The following LMNTD2 variants were observed in gnomAD, a reference collection of about 807,000 sequenced individuals.
The protein encoded by LMNTD2 is lamin tail domain containing 2.
Under a neutral mutation model 70.1 loss-of-function variants are expected in LMNTD2, and 83 were observed. That is an observed-to-expected ratio of 1.18 (90% CI 0.99 to 1.42). The LOEUF is 1.42. Among genes scored for constraint, LMNTD2 ranks in the 40% most tolerant of loss-of-function variants. The pLI is 0.00. For synonymous variants in LMNTD2, 534 were observed against 406.1 expected (o/e 1.31, Z -3.79); for missense variants, 1,153 against 905.9 (o/e 1.27, Z -3.50).
At chr11:557,672 G>C in intron 5 of LMNTD2, 32 bp from the exon 6 acceptor site, 1 of 1,612,930 alleles carries the variant, frequency 6.2e-7, no homozygotes, top group Non-Finnish European at 8.5e-7. Context: ...CAGTGGGCAG[G>C]GGCTGGGTGC....
intron 1 of LMNTD2, chr11:559,500 T>G: frequency 7.8e-7 from 1 of 1,282,394 alleles, no homozygotes; most frequent in Non-Finnish European, 1.0e-6. Flanking sequence ...CAGCCCAGCC[T>G]GGAGGAGGTG....
At position 557,421 on chromosome 11, in the gene LMNTD2, T is replaced by C. The variant is rs1481303119; in HGVS notation, c.691A>G (p.Met231Val). 12 of 1,608,080 alleles carry C rather than the reference T, an allele frequency of 7.5e-6. No homozygotes were observed. Among genetic ancestry groups the C allele is most frequent in the Middle Eastern group, 3.3e-4 (2 of 6,082 alleles). Residue 231 changes from methionine to valine, a missense_variant, in exon 7 of 14, where the codon ATG (methionine) becomes GTG (valine). By Grantham distance (21) the Met-to-Val change is conservative. Coordinates refer to ENST00000329451, the MANE Select transcript of LMNTD2 (RefSeq NM_173573.3). Reference sequence around the variant, plus strand: ...TACTTTTGCTTTGAGCTGGGCTCCATGTTGGTGAAGAGGTTGGGATACCGG... The same window carrying C: ...TACTTTTGCTTTGAGCTGGGCTCCACGTTGGTGAAGAGGTTGGGATACCGG... ...ARRYPNLFTN[M>V]EPSSKQKQPR... is the part of the protein sequence containing the mutation.
rs200254653 is a variant in LMNTD2, at chr11:555,075, C to G, written c.1810G>C (p.Val604Leu). The change falls in exon 14 of 14, where the codon GTG (valine) becomes CTG (leucine). Residue 604 changes from valine to leucine, a missense_variant. Physicochemically the swap from Val to Leu is conservative, Grantham distance 32. Coordinates refer to ENST00000329451, the MANE Select transcript of LMNTD2 (RefSeq NM_173573.3). ...GCCGTGTTCTGCACCGACAGGGCCACCAGGGGGCAGCTACGGTCCACGCTC... is the reference window on the plus strand; with the variant it reads ...GCCGTGTTCTGCACCGACAGGGCCAGCAGGGGGCAGCTACGGTCCACGCTC... Reference protein sequence around the residue: ...RKSVDRSCPLVALSVQNTAES... With the variant: ...RKSVDRSCPLLALSVQNTAES... The G allele has an allele frequency of 9.4e-5, 148 of 1,577,494 alleles. No individual in the cohort carries two copies. Among genetic ancestry groups the G allele is most frequent in the Non-Finnish European group, 2.1e-5 (25 of 1,166,054 alleles).
In LMNTD2 at chr11:555,432, T is replaced by G. The variant is rs1852784991; in HGVS notation, c.1646A>C (p.Glu549Ala). The stretch of plus-strand genomic sequence containing the variant: ...CTGCGGCGCGGGGATCTCGGGGTTC[T>G]CGGGCCGCGCAGGCCCCTCCCGCGC... ...FHAREGPARPENPEIPAPQHL... is the reference protein window; with the variant it reads ...FHAREGPARPANPEIPAPQHL... Residue 549 changes from glutamate to alanine, a missense_variant, in exon 13 of 14, where the codon GAG (glutamate) becomes GCG (alanine). Transcript: ENST00000329451. The G allele has an allele frequency of 1.4e-6, 2 of 1,391,448 alleles. No individual in the cohort carries two copies. The highest frequency in any genetic ancestry group is 1.5e-5 in the African/African-American group (1 of 65,904). The allele number at this position is 1,391,448 out of a possible 1,614,324, so 86.2% of individuals were successfully genotyped here.
rs1313591429 is a variant in LMNTD2, at chr11:555,251, G to A, written c.1773+54C>T. 23 of 1,256,180 alleles carry A rather than the reference G, an allele frequency of 1.8e-5. 1 individual carries two copies. The highest frequency in any genetic ancestry group is 2.3e-5 in the Non-Finnish European group (23 of 985,474). The allele number at this position is 1,256,180 out of a possible 1,614,324, so 77.8% of individuals were successfully genotyped here. A position where few individuals can be genotyped will look rare whatever the true frequency, so the allele number is the denominator to read the frequency against. ...GAGGGGAGGGAGGGGCGGGAGAGGA[G>A]AGGAGGAGAACGAGGAGGGAGAGGA... On this transcript the variant is annotated intron_variant, in intron 13 of 13. Transcript: ENST00000329451.
intron 1 of LMNTD2, chr11:560,053 G>C (rs1391948122): frequency 1.2e-5 from 2 of 162,000 alleles, no homozygotes; most frequent in African/African-American, 2.4e-5. Context: ...TATTCCCTCT[G>C]CTCCAGGAGA....
intron 8 of LMNTD2, 85 bp from the exon 9 acceptor site, chr11:556,673 ACGCCTGGCGGGGCAGGGAG>A: frequency 7.1e-7 from 1 of 1,407,690 alleles, no homozygotes; most frequent in Non-Finnish European, 9.4e-7. Context: ...CAGGCCTGCA[ACGCCTGGCGGGGCAGGGAG>A]CAGGGCCAGG....
chr11:559,292 G>A (rs1296473504), intron 1 of LMNTD2: 4 of 1,454,148 alleles, frequency 2.8e-6, no homozygotes, highest in Admixed American at 2.1e-5. Flanking sequence ...GTGATGTGGT[G>A]TCCCTCTTTC....
chr11:554,882 G>A lies in LMNTD2; in HGVS notation c.*98C>T, dbSNP rs550930997. 49 of 838,522 alleles carry A rather than the reference G, an allele frequency of 5.8e-5. No homozygotes were observed. The highest frequency in any genetic ancestry group is 8.3e-5 in the Non-Finnish European group (48 of 576,642). The allele number at this position is 838,522 out of a possible 1,614,324, so 51.9% of individuals were successfully genotyped here. A position where few individuals can be genotyped will look rare whatever the true frequency, so the allele number is the denominator to read the frequency against. On this transcript the variant is annotated 3_prime_UTR_variant, in exon 14 of 14. Transcript: ENST00000329451. ...TACAGAAATGCGGTTTACTTTGTAGGCCACGTTGGTTCAATAAATGATGCA... is the reference window on the plus strand; with the variant it reads ...TACAGAAATGCGGTTTACTTTGTAGACCACGTTGGTTCAATAAATGATGCA...
intron 1 of LMNTD2, 187 bp downstream of exon 1, chr11:560,496 C>A: frequency 7.9e-7 from 1 of 1,261,266 alleles, no homozygotes. Flanking sequence ...CCCTGCGCGT[C>A]CAGACTACTG....
At position 554,977 on chromosome 11, in the gene LMNTD2, C is replaced by G. The variant is rs774259156; in HGVS notation, c.*3G>C. 2.1e-5 allele frequency: 33 copies of G among 1,570,526 alleles called. No individual in the cohort carries two copies. Among genetic ancestry groups the G allele is most frequent in the Non-Finnish European group, 2.8e-5 (32 of 1,162,182 alleles). On this transcript the variant is annotated 3_prime_UTR_variant, in exon 14 of 14. Transcript: ENST00000329451. ...TCGCGGTCCCGGCCCCACTCCTCCG[C>G]CCCTAGGCGCCGCGGCAGGTGTCCG...
intron 5 of LMNTD2, 74 bp from the exon 6 acceptor site, chr11:557,714 C>A (rs1170696774): frequency 1.2e-6 from 2 of 1,607,490 alleles, no homozygotes; most frequent in East Asian, 4.5e-5. Context: ...TTTGACCTCA[C>A]CTGTGCTTTG....
Position 554,969 on chromosome 11 carries a change from C to G in LMNTD2, c.*11G>C. Reference sequence around the variant, plus strand: ...GCCCTCCCTCGCGGTCCCGGCCCCACTCCTCCGCCCCTAGGCGCCGCGGCA... The same window carrying G: ...GCCCTCCCTCGCGGTCCCGGCCCCAGTCCTCCGCCCCTAGGCGCCGCGGCA... On this transcript the variant is annotated 3_prime_UTR_variant, in exon 14 of 14. Coordinates refer to ENST00000329451, the MANE Select transcript of LMNTD2 (RefSeq NM_173573.3). 6.4e-7 allele frequency: 1 copy of G among 1,555,174 alleles called. No homozygotes were observed. Among genetic ancestry groups the G allele is most frequent in the Non-Finnish European group, 8.7e-7 (1 of 1,154,656 alleles).
chr11:557,847 G>T, intron 5 of LMNTD2, 37 bp downstream of exon 5: 2 of 1,527,646 alleles, frequency 1.3e-6, no homozygotes, highest in Non-Finnish European at 1.8e-6. Flanking sequence ...GCTGGGGAGG[G>T]CAGCCTGGGG....
chr11:560,272 A>C, intron 1 of LMNTD2: 1 of 1,012,912 alleles, frequency 9.9e-7, no homozygotes, highest in Non-Finnish European at 1.2e-6. Flanking sequence ...TGGGCGGGAC[A>C]GTAGGGTAGG....
chr11:555,912 T>G lies in LMNTD2; in HGVS notation c.1396A>C (p.Ile466Leu), dbSNP rs1483717083. The change falls in exon 12 of 14, where the codon ATC (isoleucine) becomes CTC (leucine). Residue 466 changes from isoleucine (I) to leucine (L), a missense_variant. Ile to Leu is a conservative substitution (Grantham distance 5, BLOSUM62 2). Coordinates refer to ENST00000329451, the MANE Select transcript of LMNTD2 (RefSeq NM_173573.3). ...GGGGCCGGAGTCTCGCGGCGTGGGA[T>G]CCGGTGCTCACTGAGGACCTGCGGG... ...PKGEVLSEHR[I>L]PRRETPAPRV... 1 of 1,564,524 alleles carries G rather than the reference T, an allele frequency of 6.4e-7. No individual in the cohort carries two copies. Among genetic ancestry groups the G allele is most frequent in the Non-Finnish European group, 8.6e-7 (1 of 1,161,182 alleles).
chr11:557,665 T>G, intron 5 of LMNTD2, 25 bp from the exon 6 acceptor site: 9 of 1,612,950 alleles, frequency 5.6e-6, no homozygotes, highest in Non-Finnish European at 7.6e-6. Flanking sequence ...CGGAAGCCAG[T>G]GGGCAGGGGC....
At chr11:557,247 C>G in intron 7 of LMNTD2, 150 bp from the exon 8 acceptor site, 1 of 1,377,348 alleles carries the variant, frequency 7.3e-7, no homozygotes, top group Non-Finnish European at 9.8e-7. Context: ...CTGCCTCAAC[C>G]CCAACGCATT....
At chr11:560,286 T>C in intron 1 of LMNTD2, 1 of 1,033,238 alleles carries the variant, frequency 9.7e-7, no homozygotes, top group Admixed American at 5.7e-5. Flanking sequence ...GGGTAGGGGG[T>C]GAAGGAGCGG....
Sources: allele counts gnomAD v4.1 joint callset, GRCh38; gene constraint gnomAD v4.1.1; transcripts MANE v1.5; gene names NCBI Gene and HGNC (gene_info 2026-07-23, HGNC 2026-07-21).